The following FGGY variants were observed in gnomAD, a reference collection of about 807,000 sequenced individuals.
The protein encoded by FGGY is FGGY carbohydrate kinase domain containing.
FGGY carries 72 observed loss-of-function variants against 71.3 expected under a neutral mutation model. That is an observed-to-expected ratio of 1.01 (90% confidence interval 0.84 to 1.23). The LOEUF is 1.23. Ranked by LOEUF, FGGY falls within the 50% of genes most tolerant of loss-of-function variation. The pLI, the probability that FGGY is intolerant of heterozygous loss-of-function variation, is 0.00. For missense variants in FGGY, 668 were observed against 682.3 expected, an observed-to-expected ratio of 0.98 and a Z score of 0.23; for synonymous variants, 251 against 250.3, an observed-to-expected ratio of 1.00 and a Z score of -0.02.
At chr1:59,682,370 G>C (rs2097508711) in intron 14 of FGGY, among the ~76,000 whole-genome samples, 1 of 152,186 alleles carries the variant, frequency 6.6e-6, no homozygotes, top group Admixed American at 6.5e-5. Flanking sequence ...TTTGGTAAAT[G>C]TTAGTGTCCT....
intron 14 of FGGY, among the ~76,000 whole-genome samples, chr1:59,736,112 C>CT (rs1160412162): frequency 2.0e-5 from 3 of 151,946 alleles, no homozygotes; most frequent in Admixed American, 6.6e-5. Flanking sequence ...AGCTCTCTCT[C>CT]TTTTTTTTGC....
At chr1:59,582,182 G>A (rs1414191869) in intron 8 of FGGY, among the ~76,000 whole-genome samples, 1 of 149,630 alleles carries the variant, frequency 6.7e-6, no homozygotes, top group Non-Finnish European at 1.5e-5. Context: ...CCAGGAATTT[G>A]AGGCTGCAGT....
At chr1:59,405,108 C>T (rs2153414369) in intron 5 of FGGY, among the ~76,000 whole-genome samples, 1 of 152,282 alleles carries the variant, frequency 6.6e-6, no homozygotes, top group South Asian at 2.1e-4. Flanking sequence ...TATTTGGCCT[C>T]TTGAATCAAA....
intron 6 of FGGY, among the ~76,000 whole-genome samples, chr1:59,495,729 T>C (rs2094009371): frequency 2.0e-5 from 3 of 152,138 alleles, no homozygotes; most frequent in Admixed American, 1.3e-4. Flanking sequence ...ATTTATTGAA[T>C]TGGGGGGAGG....
At chr1:59,759,752 AC>A (rs776306711) in intron 15 of FGGY, among the ~76,000 whole-genome samples, 63 of 152,326 alleles carry the variant, frequency 4.1e-4, no homozygotes, top group Non-Finnish European at 7.6e-4. Flanking sequence ...GACGACATTT[AC>A]TTAGGCCTCT....
rs377282729 is a variant in FGGY, at chr1:59,311,504, G to A, written c.-14-10032G>A. 2.6e-5 allele frequency among the ~76,000 whole-genome samples: 4 copies of A among 151,894 alleles called. No individual in the cohort carries two copies. The East Asian group carries it at 5.8e-4, about 22-fold the overall frequency. ...GAGAACATGCGGTGTTTGGTTTTCT[G>A]TTCCTGTGTTAGTTTGCTGAGGTTG... is the stretch of plus-strand genomic sequence containing the variant. On this transcript the variant is annotated intron_variant, in intron 1 of 15. Coordinates refer to ENST00000303721, the MANE Select transcript of FGGY (RefSeq NM_018291.5).
rs980068175 is a variant in FGGY, at chr1:59,600,571, C to T, written c.904-7232C>T. Reference sequence around the variant, plus strand: ...AGCTAATAATGAGTAGAGGCTGGACCTGCACCCAGCTCTTTGGACACCAAA... The same window carrying T: ...AGCTAATAATGAGTAGAGGCTGGACTTGCACCCAGCTCTTTGGACACCAAA... On this transcript the variant is annotated intron_variant, in intron 8 of 15. Coordinates refer to ENST00000303721, the MANE Select transcript of FGGY (RefSeq NM_018291.5). Among the ~76,000 whole-genome samples the T allele has an allele frequency of 1.1e-4, 16 of 152,290 alleles. 1 individual carries two copies. In the East Asian group the frequency reaches 3.1e-3, roughly 29 times the overall value.
intron 5 of FGGY, among the ~76,000 whole-genome samples, chr1:59,383,741 A>G (rs1457154686): frequency 6.6e-6 from 1 of 152,158 alleles, no homozygotes; most frequent in Non-Finnish European, 1.5e-5. Context: ...TGATAATAAC[A>G]CTTTCAACCA....
chr1:59,725,779 G>T (rs1332434594), intron 14 of FGGY, among the ~76,000 whole-genome samples: 1 of 152,012 alleles, frequency 6.6e-6, no homozygotes, highest in Non-Finnish European at 1.5e-5. Context: ...TTAGTTCCAG[G>T]ATTTGGTGGT....
chr1:59,397,883 A>G (rs752119335), intron 5 of FGGY, among the ~76,000 whole-genome samples: 24 of 152,254 alleles, frequency 1.6e-4, no homozygotes, highest in Non-Finnish European at 2.6e-4. Flanking sequence ...GACAACAGTC[A>G]TATCCATTTT....
Position 59,478,766 on chromosome 1 carries a change from A to G in FGGY, c.670+21690A>G, listed in dbSNP as rs1311483591. On this transcript the variant is annotated intron_variant, in intron 6 of 15. Transcript: ENST00000303721. ...CATAGATATGTGTGAGAGACTCTAG[A>G]GGGAGAAGAGAAATTTCAGTACTTT... Among the ~76,000 whole-genome samples the G allele has an allele frequency of 2.0e-5, 3 of 152,208 alleles. No homozygotes were observed. In the East Asian group the frequency reaches 5.8e-4, roughly 29 times the overall value.
At chr1:59,592,358 A>G (rs551721226) in intron 8 of FGGY, among the ~76,000 whole-genome samples, 24 of 152,188 alleles carry the variant, frequency 1.6e-4, no homozygotes, top group African/African-American at 5.8e-4. Context: ...TAGTTCAACC[A>G]TTGTGGAAGT....
intron 6 of FGGY, among the ~76,000 whole-genome samples, chr1:59,465,844 T>G (rs752686318): frequency 9.9e-5 from 15 of 151,972 alleles, no homozygotes; most frequent in Non-Finnish European, 2.2e-4. Flanking sequence ...CACTGCTCAA[T>G]GAAATAAAAG....
intron 11 of FGGY, among the ~76,000 whole-genome samples, chr1:59,639,853 C>T (rs1311845959): frequency 6.6e-6 from 1 of 152,196 alleles, no homozygotes; most frequent in Non-Finnish European, 1.5e-5. Flanking sequence ...TGTCAGGCTT[C>T]ATGTCTCCCA....
intron 8 of FGGY, among the ~76,000 whole-genome samples, chr1:59,603,516 T>C (rs2096596821): frequency 6.6e-6 from 1 of 152,238 alleles, no homozygotes; most frequent in African/African-American, 2.4e-5. Context: ...AAACCATTGA[T>C]ATGTGACAGC....
intron 10 of FGGY, chr1:59,626,913 C>CAGGGGATT (rs2096862460): frequency 6.6e-6 from 1 of 151,618 alleles, no homozygotes; most frequent in South Asian, 2.1e-4. Flanking sequence ...TAGTTACCTA[C>CAGGGGATT]AGGGGGTGGG....
intron 10 of FGGY, among the ~76,000 whole-genome samples, chr1:59,629,275 A>G (rs979158341): frequency 4.6e-5 from 7 of 152,210 alleles, no homozygotes; most frequent in African/African-American, 1.4e-4. Context: ...AGACATTTCC[A>G]TTCTACTAAG....
chr1:59,533,606 C>T (rs1009176546), intron 7 of FGGY, among the ~76,000 whole-genome samples: 1 of 152,238 alleles, frequency 6.6e-6, no homozygotes, highest in Admixed American at 6.5e-5. Context: ...TGTCTGACAG[C>T]TTTGAAGAGA....
chr1:59,535,862 T>C (rs1261049731), intron 7 of FGGY, among the ~76,000 whole-genome samples: 1 of 147,626 alleles, frequency 6.8e-6, no homozygotes, highest in Admixed American at 6.7e-5. Flanking sequence ...TAGCACTAAA[T>C]GCCCACAAGA....
Sources: gnomAD v4.1 joint callset for allele counts (sites outside exome capture counted in the v4.1 genomes callset) on GRCh38, gnomAD v4.1.1 for gene constraint, MANE v1.5 for transcripts, NCBI Gene and HGNC (gene_info 2026-07-23, HGNC 2026-07-21) for gene names.